PLAC9: variants seen among roughly 807,000 people sequenced by gnomAD.
PLAC9 encodes the protein placenta-specific protein 9.
Under a neutral mutation model 11.5 loss-of-function variants are expected in PLAC9, and 12 were observed. The ratio of observed to expected loss-of-function variants is 1.05; its 90% CI spans 0.67 to 1.69. The LOEUF is 1.69. Among genes scored for constraint, PLAC9 ranks in the 40% most tolerant of loss-of-function variants. The probability of loss-of-function intolerance (pLI) is 0.00; values close to 1 mark genes in which losing one functional copy is unlikely to be tolerated. For missense variants in PLAC9, 132 were observed against 130.5 expected (o/e 1.01, Z -0.06); for synonymous variants, 62 against 58.1 (o/e 1.07, Z -0.31).
intron 1 of PLAC9, among the ~76,000 whole-genome samples, chr10:80,138,136 C>T (rs1043094731): frequency 6.6e-5 from 10 of 152,122 alleles, no homozygotes; most frequent in Non-Finnish European, 4.4e-5. Context: ...CATTTCAAAT[C>T]GTGCACACAA....
rs138774775 is a variant in PLAC9, at chr10:80,136,656, T to TTTTATTTA, written c.64+3858_64+3865dup. ...CTGGCTAATTTTTTTTTAATTTTTA[T>TTTTATTTA]TTTATTTATTTATTTATTTATTTAT... is the stretch of plus-strand genomic sequence containing the variant. On this transcript the variant is annotated intron_variant, in intron 1 of 3. Coordinates refer to ENST00000372263, the MANE Select transcript of PLAC9 (RefSeq NM_001012973.3). Among the ~76,000 whole-genome samples the TTTTATTTA allele has an allele frequency of 6.7e-3, 983 of 146,502 alleles. 3 individuals carry two copies. Among genetic ancestry groups the TTTTATTTA allele is most frequent in the Middle Eastern group, 0.014 (4 of 286 alleles).
intron 1 of PLAC9, among the ~76,000 whole-genome samples, chr10:80,133,629 C>A (rs375009772): frequency 6.6e-6 from 1 of 152,052 alleles, no homozygotes; most frequent in African/African-American, 2.4e-5. Flanking sequence ...GAGAGCTGTG[C>A]GGAGGAGAGA....
intron 1 of PLAC9, among the ~76,000 whole-genome samples, chr10:80,133,141 G>A (rs1844932257): frequency 1.3e-5 from 2 of 152,216 alleles, no homozygotes; most frequent in Non-Finnish European, 2.9e-5. Flanking sequence ...AGGAGTTTGA[G>A]AGACAAAAGA....
At chr10:80,144,478 G>A in intron 3 of PLAC9, 135 bp downstream of exon 3, 3 of 1,278,946 alleles carry the variant, frequency 2.3e-6, no homozygotes, top group Middle Eastern at 2.8e-4. Context: ...CCCTGGGGAC[G>A]GAAGCGGGAC....
chr10:80,143,522 G>A (rs1378955703), intron 2 of PLAC9, among the ~76,000 whole-genome samples: 4 of 144,094 alleles, frequency 2.8e-5, no homozygotes, highest in Admixed American at 7.1e-5. Context: ...TCAGCCTCCC[G>A]AGTAGCTGAG....
At chr10:80,133,733 A>G (rs908457508) in intron 1 of PLAC9, among the ~76,000 whole-genome samples, 22 of 152,302 alleles carry the variant, frequency 1.4e-4, no homozygotes, top group African/African-American at 5.1e-4. Flanking sequence ...TCACAAGCTC[A>G]GGAGATCAAG....
intron 3 of PLAC9, 60 bp from the exon 4 acceptor site, chr10:80,144,840 C>T (rs570733113): frequency 6.6e-7 from 1 of 1,509,278 alleles, no homozygotes; most frequent in Non-Finnish European, 8.9e-7. Context: ...CTGGGCACCA[C>T]GGGGGCAGGT....
intron 1 of PLAC9, among the ~76,000 whole-genome samples, chr10:80,133,521 G>A (rs1443251517): frequency 6.6e-6 from 1 of 152,234 alleles, no homozygotes; most frequent in African/African-American, 2.4e-5. Context: ...GCCTCAGGTG[G>A]ATCTGCAGTC....
intron 1 of PLAC9, 30 bp downstream of exon 1, chr10:80,132,856 C>T: frequency 6.8e-7 from 1 of 1,474,426 alleles, no homozygotes; most frequent in Admixed American, 2.3e-5. Flanking sequence ...CGGCAGGGGA[C>T]CTGGAGCCGG....
intron 1 of PLAC9, among the ~76,000 whole-genome samples, chr10:80,135,275 G>C (rs11201833): frequency 6.8e-6 from 1 of 147,064 alleles, no homozygotes; most frequent in African/African-American, 2.5e-5. Context: ...GCCCGCCTCG[G>C]CCTCCCAAAG....
chr10:80,141,903 G>A (rs1845043206), intron 1 of PLAC9, among the ~76,000 whole-genome samples, 179 bp from the exon 2 acceptor site: 1 of 151,922 alleles, frequency 6.6e-6, no homozygotes, highest in East Asian at 1.9e-4. Context: ...GACTGTGGCT[G>A]TAGAGACTGG....
upstream of PLAC9, among the ~76,000 whole-genome samples, chr10:80,132,027 G>A (rs541633460): frequency 1.9e-4 from 29 of 152,348 alleles, no homozygotes; most frequent in South Asian, 1.7e-3. Flanking sequence ...TCCCATAGGG[G>A]AAGTTTCCAC....
chr10:80,133,201 G>A (rs899221360), intron 1 of PLAC9, among the ~76,000 whole-genome samples: 1 of 152,158 alleles, frequency 6.6e-6, no homozygotes, highest in African/African-American at 2.4e-5. Flanking sequence ...TGGAGGGAGA[G>A]AGGATATTGA....
chr10:80,142,087 G>C lies in PLAC9; in HGVS notation c.70G>C (p.Glu24Gln), dbSNP rs267602589. The part of the protein sequence containing the change: ...LRAAGSLAAA[E>Q]PFSPPRGDSA... ...CAAGACTTGTTTTCCCACAGCTGCCGAACCCTTCAGCCCTCCGCGAGGAGA... is the reference window on the plus strand; with the variant it reads ...CAAGACTTGTTTTCCCACAGCTGCCCAACCCTTCAGCCCTCCGCGAGGAGA... Residue 24 changes from glutamate to glutamine, a missense_variant, in exon 2 of 4, where the codon GAA (glutamate) becomes CAA (glutamine). Physicochemically the swap from Glu to Gln is conservative, Grantham distance 29. Coordinates refer to ENST00000372263, the MANE Select transcript of PLAC9 (RefSeq NM_001012973.3). 2 of 1,607,116 alleles carry C rather than the reference G, an allele frequency of 1.2e-6. No individual in the cohort carries two copies. Among genetic ancestry groups the C allele is most frequent in the African/African-American group, 2.7e-5 (2 of 74,790 alleles).
intron 2 of PLAC9, among the ~76,000 whole-genome samples, chr10:80,142,724 TTTTA>T (rs979800452): frequency 2.0e-5 from 3 of 150,222 alleles, no homozygotes; most frequent in Non-Finnish European, 4.4e-5. Context: ...AATAAATACA[TTTTA>T]TTTTTTTTGA....
intron 1 of PLAC9, among the ~76,000 whole-genome samples, chr10:80,133,916 C>A (rs1564587309): frequency 1.4e-5 from 2 of 139,744 alleles, no homozygotes; most frequent in African/African-American, 5.1e-5. Context: ...CGCAATCCAG[C>A]CTGGGTGACA....
intron 1 of PLAC9, among the ~76,000 whole-genome samples, chr10:80,135,569 C>T (rs1844966388): frequency 6.7e-6 from 1 of 148,752 alleles, no homozygotes; most frequent in South Asian, 2.1e-4. Flanking sequence ...AAACTCCTGA[C>T]ATCAAGTGAT....
chr10:80,142,284 C>A, intron 2 of PLAC9, 105 bp downstream of exon 2: 1 of 922,634 alleles, frequency 1.1e-6, no homozygotes, highest in Non-Finnish European at 1.6e-6. Context: ...ACATCCGGGC[C>A]GATCCTGCCC....
chr10:80,140,455 C>T (rs1236970281), intron 1 of PLAC9, among the ~76,000 whole-genome samples: 1 of 152,184 alleles, frequency 6.6e-6, no homozygotes, highest in Non-Finnish European at 1.5e-5. Context: ...TGCTAGACCT[C>T]TCCGCTGCTT....
Sources: allele counts gnomAD v4.1 joint callset (sites outside exome capture counted in the v4.1 genomes callset), GRCh38; gene constraint gnomAD v4.1.1; transcripts MANE v1.5; gene names NCBI Gene and HGNC (gene_info 2026-07-23, HGNC 2026-07-21).